Variants in EXOC1 observed in about 807,000 individuals in gnomAD.
EXOC1 encodes exocyst complex component 1.
In EXOC1, 67 loss-of-function variants were observed where a neutral mutation model predicts 107.7. The ratio of observed to expected loss-of-function variants is 0.62; its 90% CI spans 0.51 to 0.76. The LOEUF (loss-of-function observed/expected upper bound fraction) is 0.76, where lower values mean the gene tolerates loss of function less well. EXOC1 is among the 30% of genes least tolerant of loss of function. The probability of loss-of-function intolerance (pLI) is 0.00; values close to 1 mark genes in which losing one functional copy is unlikely to be tolerated. For synonymous variants in EXOC1, 348 were observed against 353.5 expected (o/e 0.98, Z 0.17); for missense variants, 833 against 1,055.7 (o/e 0.79, Z 2.92).
At chr4:55,860,868 T>C (rs1721408642) in intron 3 of EXOC1, among the ~76,000 whole-genome samples, 1 of 151,942 alleles carries the variant, frequency 6.6e-6, no homozygotes, top group African/African-American at 2.4e-5. Flanking sequence ...AAAGTGATCC[T>C]TCCTTAGTCT....
intron 1 of EXOC1, among the ~76,000 whole-genome samples, chr4:55,855,417 AAGTT>A (rs1030702589): frequency 2.0e-5 from 3 of 152,174 alleles, no homozygotes; most frequent in African/African-American, 7.2e-5. Context: ...ATAGATGTGA[AAGTT>A]AGGAAAGGGG....
At chr4:55,903,629 A>C (rs766542305) in intron 18 of EXOC1, among the ~76,000 whole-genome samples, 2 of 152,164 alleles carry the variant, frequency 1.3e-5, no homozygotes, top group Non-Finnish European at 2.9e-5. Flanking sequence ...CATAATACCC[A>C]CCCTCACCAG....
chr4:55,879,002 T>TC (rs1289046157), intron 9 of EXOC1, among the ~76,000 whole-genome samples: 1 of 152,086 alleles, frequency 6.6e-6, no homozygotes, highest in Admixed American at 6.6e-5. Flanking sequence ...AAAGAGAGAC[T>TC]CCAACAGCAG....
Position 55,872,260 on chromosome 4 carries a change from A to G in EXOC1, c.1074+302A>G, listed in dbSNP as rs61006657. Among the ~76,000 whole-genome samples the G allele has an allele frequency of 6.6e-3, 1,011 of 152,204 alleles. 8 individuals are homozygous for G. Among genetic ancestry groups the G allele is most frequent in the African/African-American group, 0.021 (885 of 41,522 alleles). On this transcript the variant is annotated intron_variant, in intron 8 of 18. Coordinates refer to ENST00000381295, the MANE Select transcript of EXOC1 (RefSeq NM_001024924.2). Reference sequence around the variant, plus strand: ...ATTTTTATTTATAAAGTAAGTCCAAACTTGTTAGATATTTACTATTGGACC... The same window carrying G: ...ATTTTTATTTATAAAGTAAGTCCAAGCTTGTTAGATATTTACTATTGGACC...
At chr4:55,876,896 G>A in intron 8 of EXOC1, 2 of 985,224 alleles carry the variant, frequency 2.0e-6, no homozygotes, top group South Asian at 4.7e-5. Context: ...AAACATTTAT[G>A]AAGAAGGGAC....
chr4:55,895,285 T>G (rs955908687), intron 15 of EXOC1, among the ~76,000 whole-genome samples: 4 of 152,174 alleles, frequency 2.6e-5, no homozygotes, highest in African/African-American at 7.2e-5. Flanking sequence ...TCATCTAATC[T>G]TAAACCCAGC....
At chr4:55,870,617 A>G in intron 5 of EXOC1, 61 bp from the exon 6 acceptor site, 1 of 1,458,312 alleles carries the variant, frequency 6.9e-7, no homozygotes, top group South Asian at 1.2e-5. Context: ...CATCTAAATA[A>G]CAAGTATGTT....
intron 9 of EXOC1, among the ~76,000 whole-genome samples, chr4:55,881,486 C>T (rs1051681526): frequency 3.3e-5 from 5 of 152,224 alleles, no homozygotes; most frequent in Non-Finnish European, 7.4e-5. Flanking sequence ...ATGATACAGC[C>T]TCAGGAGGTC....
chr4:55,886,093 C>A (rs990828437), intron 10 of EXOC1, among the ~76,000 whole-genome samples: 2 of 152,058 alleles, frequency 1.3e-5, no homozygotes, highest in Non-Finnish European at 2.9e-5. Context: ...ATGAAATATT[C>A]AATACTTTAT....
Position 55,872,882 on chromosome 4 carries a change from A to G in EXOC1, c.1074+924A>G, listed in dbSNP as rs575091722. 4.1e-5 allele frequency: 21 copies of G among 511,632 alleles called. No individual in the cohort carries two copies. The African/African-American group carries it at 4.2e-4, about 10-fold the overall frequency. 31.7% of individuals were successfully genotyped at this position (511,632 alleles called of 1,614,324 possible). On this transcript the variant is annotated intron_variant, in intron 8 of 18. Transcript: ENST00000381295. ...TTCTATAAAGTTTGCTAAACTTAAC[A>G]GCAGCCGAATCTTTACAGATTATAA...
At chr4:55,882,679 A>T (rs1397392366) in intron 9 of EXOC1, 1 of 152,232 alleles carries the variant, frequency 6.6e-6, no homozygotes, top group Non-Finnish European at 1.5e-5. Context: ...ATAAGAATAC[A>T]GCTATAAAAT....
chr4:55,859,277 T>A (rs1284499296), intron 2 of EXOC1, among the ~76,000 whole-genome samples: 1 of 152,170 alleles, frequency 6.6e-6, no homozygotes, highest in Non-Finnish European at 1.5e-5. Flanking sequence ...TACAGTTCTC[T>A]ATTTATCTAG....
At position 55,904,377 on chromosome 4, in the gene EXOC1, G is replaced by A. The variant is rs750739194; in HGVS notation, c.2567G>A (p.Arg856His). The A allele has an allele frequency of 8.1e-6, 13 of 1,608,506 alleles. No homozygotes were observed. The highest frequency in any genetic ancestry group is 6.8e-5 in the Admixed American group (4 of 59,212). ...VWHSMQDEFIRQYKHFEGLIA... is the reference protein window; with the variant it reads ...VWHSMQDEFIHQYKHFEGLIA... The stretch of plus-strand genomic sequence containing the variant: ...CACTCCATGCAAGATGAATTTATAC[G>A]CCAGTATAAGCACTTTGAAGGTTTG... Residue 856 changes from arginine to histidine, a missense_variant, in exon 19 of 19, where the codon CGC (arginine) becomes CAC (histidine). By Grantham distance (29) the Arg-to-His change is conservative. This residue lies in a region of EXOC1 where 216 missense variants were observed against 354.4 expected (regional missense o/e 0.61). Transcript: ENST00000381295.
intron 10 of EXOC1, among the ~76,000 whole-genome samples, chr4:55,888,347 CT>C (rs1187374296): frequency 6.6e-6 from 1 of 152,190 alleles, no homozygotes; most frequent in East Asian, 1.9e-4. Flanking sequence ...AGTAATTCAG[CT>C]TGATAATTAG....
intron 14 of EXOC1, among the ~76,000 whole-genome samples, chr4:55,893,158 C>A (rs1396406986): frequency 6.6e-6 from 1 of 152,026 alleles, no homozygotes; most frequent in Non-Finnish European, 1.5e-5. Context: ...CTCTGCTGCC[C>A]AGGCTGGAAT....
At chr4:55,859,872 A>G (rs372643116) in intron 2 of EXOC1, among the ~76,000 whole-genome samples, 20 of 152,218 alleles carry the variant, frequency 1.3e-4, no homozygotes, top group Non-Finnish European at 2.8e-4. Flanking sequence ...ACTTTTTAGA[A>G]TGACCTCACT....
At chr4:55,892,153 T>G (rs1724632195) in intron 13 of EXOC1, among the ~76,000 whole-genome samples, 1 of 152,184 alleles carries the variant, frequency 6.6e-6, no homozygotes, top group African/African-American at 2.4e-5. Context: ...GTGTTCATTG[T>G]TATGGTAGTA....
chr4:55,858,543 T>C, intron 2 of EXOC1, 96 bp downstream of exon 2: 1 of 1,354,968 alleles, frequency 7.4e-7, no homozygotes, highest in Non-Finnish European at 9.7e-7. Context: ...GTCTCTGTAA[T>C]TGGAAAAATT....
chr4:55,867,742 A>G (rs991482160), intron 4 of EXOC1, among the ~76,000 whole-genome samples: 4 of 152,192 alleles, frequency 2.6e-5, no homozygotes, highest in Admixed American at 2.6e-4. Flanking sequence ...AATGTTATCA[A>G]TGCATGTGAA....
Sources: allele counts gnomAD v4.1 joint callset (sites outside exome capture counted in the v4.1 genomes callset), GRCh38; gene constraint gnomAD v4.1.1; regional missense constraint gnomAD v4.1.1; transcripts MANE v1.5; gene names NCBI Gene and HGNC (gene_info 2026-07-23, HGNC 2026-07-21).